Variants in WDTC1 observed in about 807,000 individuals in gnomAD.
The protein encoded by WDTC1 is WD and tetratricopeptide repeats 1, also known as WD and tetratricopeptide repeats protein 1.
Under a neutral mutation model 76.0 loss-of-function variants are expected in WDTC1, and 12 were observed. The observed-to-expected ratio is 0.16, with a 90% CI of 0.10 to 0.26. The LOEUF (loss-of-function observed/expected upper bound fraction) is 0.26, where lower values mean the gene tolerates loss of function less well. WDTC1 is among the 10% of genes least tolerant of loss of function. The pLI is 1.00. For synonymous variants in WDTC1, 326 were observed against 350.8 expected (o/e 0.93, Z 0.79); for missense variants, 511 against 908.8 (o/e 0.56, Z 5.63).
intron 1 of WDTC1, among the ~76,000 whole-genome samples, chr1:27,257,065 T>C (rs1409031026): frequency 1.3e-5 from 2 of 152,152 alleles, no homozygotes; most frequent in Non-Finnish European, 2.9e-5. Context: ...GGTTTCACCA[T>C]GTTAGCCAGG....
At position 27,287,655 on chromosome 1, in the gene WDTC1, C is replaced by T. The variant is rs1445995477; in HGVS notation, c.292-19C>T. 2.5e-6 allele frequency: 4 copies of T among 1,607,436 alleles called. No individual in the cohort carries two copies. The highest frequency in any genetic ancestry group is 3.4e-6 in the Non-Finnish European group (4 of 1,176,386). ...TTCTACTCTTACCACCCACCCCTTCCTCCATTTCTCCTATATAGTTCCTGC... is the reference window on the plus strand; with the variant it reads ...TTCTACTCTTACCACCCACCCCTTCTTCCATTTCTCCTATATAGTTCCTGC... On this transcript the variant is annotated intron_variant, in intron 5 of 15. Coordinates refer to ENST00000319394, the MANE Select transcript of WDTC1 (RefSeq NM_001276252.2).
At chr1:27,296,813 C>CAGCCCCAGCCCT (rs1304376317) in intron 10 of WDTC1, among the ~76,000 whole-genome samples, 98 of 150,910 alleles carry the variant, frequency 6.5e-4, no homozygotes, top group Admixed American at 1.2e-3. Context: ...GCCCTAGCCC[C>CAGCCCCAGCCCT]AGCCCCAGCC....
At chr1:27,246,679 A>G (rs2011844827) in intron 1 of WDTC1, among the ~76,000 whole-genome samples, 1 of 151,752 alleles carries the variant, frequency 6.6e-6, no homozygotes, top group Admixed American at 6.6e-5. Context: ...CTTCTGCCTC[A>G]GCCTCCTGAG....
At position 27,274,295 on chromosome 1, in the gene WDTC1, AAG is replaced by A. The variant is rs1280564682; in HGVS notation, c.133-7929_133-7928del. On this transcript the variant is annotated intron_variant, in intron 3 of 15. Coordinates refer to ENST00000319394, the MANE Select transcript of WDTC1 (RefSeq NM_001276252.2). This position sits in a 1 kb window ranked among gnomAD's most constrained non-coding sequence, Gnocchi z 4.2. ...ATGGAAGGAGACACTGTCTTTAAAA[AAG>A]AGAGAGAGAGAGAGGGAAAGAAAAA... Among the ~76,000 whole-genome samples, 20 of 150,448 alleles carry A rather than the reference AAG, an allele frequency of 1.3e-4. No individual in the cohort carries two copies. Among genetic ancestry groups the A allele is most frequent in the South Asian group, 2.1e-4 (1 of 4,798 alleles).
At chr1:27,253,776 A>G (rs1365663196) in intron 1 of WDTC1, among the ~76,000 whole-genome samples, 2 of 152,302 alleles carry the variant, frequency 1.3e-5, no homozygotes, top group East Asian at 1.9e-4. Context: ...TGTAATTTGC[A>G]TACTGCACCA....
rs1570990858 is a variant in WDTC1, at chr1:27,303,819, T to A, written c.1643+24T>A. 1 of 1,612,084 alleles carries A rather than the reference T, an allele frequency of 6.2e-7. No individual in the cohort carries two copies. The highest frequency in any genetic ancestry group is 8.5e-7 in the Non-Finnish European group (1 of 1,179,318). ...AGGTCCGAGGCCCTGAAGAGGAGGG[T>A]GCAGCCCAGTTGGCAGCGGGAGGTT... On this transcript the variant is annotated intron_variant, in intron 14 of 15. Coordinates refer to ENST00000319394, the MANE Select transcript of WDTC1 (RefSeq NM_001276252.2). The surrounding 1 kb of genome is among the most constrained non-coding windows in gnomAD (Gnocchi z 4.8).
intron 7 of WDTC1, among the ~76,000 whole-genome samples, 174 bp from the exon 8 acceptor site, chr1:27,293,848 A>G (rs1389688349): frequency 6.6e-6 from 1 of 152,192 alleles, no homozygotes; most frequent in Non-Finnish European, 1.5e-5. Context: ...AAGCACTGTA[A>G]TGTATATGTC....
chr1:27,289,563 C>T (rs1280375035), intron 6 of WDTC1, among the ~76,000 whole-genome samples: 6 of 152,154 alleles, frequency 3.9e-5, no homozygotes, highest in African/African-American at 1.4e-4. Flanking sequence ...CAGAGACGCT[C>T]CTCACTTCCC....
At chr1:27,291,509 C>G (rs958955803) in intron 6 of WDTC1, among the ~76,000 whole-genome samples, 31 of 152,080 alleles carry the variant, frequency 2.0e-4, no homozygotes, top group Admixed American at 5.2e-4. Flanking sequence ...TAGGTGATGT[C>G]CCCCCTACCC....
intron 9 of WDTC1, 117 bp downstream of exon 9, chr1:27,294,746 T>C (rs1006040712): frequency 8.5e-6 from 7 of 825,774 alleles, no homozygotes; most frequent in Non-Finnish European, 1.4e-5. Flanking sequence ...TGGTAAATGA[T>C]GTTACATTGA....
At chr1:27,269,140 T>A (rs1339993260) in intron 3 of WDTC1, among the ~76,000 whole-genome samples, 2 of 85,372 alleles carry the variant, frequency 2.3e-5, no homozygotes, top group Admixed American at 3.6e-4. Flanking sequence ...CCAGCCTGGG[T>A]AACATAAGGA....
intron 9 of WDTC1, 58 bp downstream of exon 9, chr1:27,294,687 G>T (rs1047821022): frequency 1.1e-5 from 16 of 1,476,822 alleles, no homozygotes; most frequent in Non-Finnish European, 1.5e-5. Context: ...GCAGCCAGGG[G>T]CATGTACCTT....
At position 27,305,593 on chromosome 1, in the gene WDTC1, C is replaced by T. The variant is rs1384870637; in HGVS notation, c.1836+400C>T. ...AAGAGATGCCTGTGAAGTGTCCAGCCCACAAGGACACTTAGGACAGTGGAG... is the reference window on the plus strand; with the variant it reads ...AAGAGATGCCTGTGAAGTGTCCAGCTCACAAGGACACTTAGGACAGTGGAG... On this transcript the variant is annotated intron_variant, in intron 15 of 15. Coordinates refer to ENST00000319394, the MANE Select transcript of WDTC1 (RefSeq NM_001276252.2). The surrounding 1 kb of genome is among the most constrained non-coding windows in gnomAD (Gnocchi z 4.6). Among the ~76,000 whole-genome samples the T allele has an allele frequency of 1.3e-5, 2 of 152,086 alleles. No homozygotes were observed. Among genetic ancestry groups the T allele is most frequent in the Admixed American group, 6.5e-5 (1 of 15,276 alleles).
At chr1:27,263,993 A>C (rs900859760) in intron 3 of WDTC1, among the ~76,000 whole-genome samples, 1 of 151,846 alleles carries the variant, frequency 6.6e-6, no homozygotes, top group African/African-American at 2.4e-5. Flanking sequence ...TAGACTGAGA[A>C]TAGGTGTTTA....
At chr1:27,287,073 G>A (rs1345390533) in intron 5 of WDTC1, among the ~76,000 whole-genome samples, 1 of 151,072 alleles carries the variant, frequency 6.6e-6, no homozygotes, top group Non-Finnish European at 1.5e-5. Flanking sequence ...TGACACAGGA[G>A]AATCGCTTGA....
chr1:27,283,460 C>T lies in WDTC1; in HGVS notation c.291+11C>T. The stretch of plus-strand genomic sequence containing the variant: ...ATCTTCTCTGTCAAGGTGAGCAGGA[C>T]AAGCCACAGAGCAAGCACAAGCCAC... On this transcript the variant is annotated intron_variant, in intron 5 of 15. Transcript: ENST00000319394. 1 of 1,561,842 alleles carries T rather than the reference C, an allele frequency of 6.4e-7. No individual in the cohort carries two copies.
chr1:27,242,392 C>T (rs1004177526), intron 1 of WDTC1, among the ~76,000 whole-genome samples: 2 of 152,160 alleles, frequency 1.3e-5, no homozygotes, highest in African/African-American at 2.4e-5. Flanking sequence ...TCCCTTAAGC[C>T]TAGGAGTTCA....
intron 1 of WDTC1, among the ~76,000 whole-genome samples, chr1:27,260,477 C>T (rs1317917511): frequency 6.6e-6 from 1 of 152,170 alleles, no homozygotes; most frequent in Admixed American, 6.6e-5. Context: ...ATTTCCTTTA[C>T]ACTGTTTAAT....
At position 27,289,609 on chromosome 1, in the gene WDTC1, G is replaced by C. The variant is rs565696848; in HGVS notation, c.479+1748G>C. On this transcript the variant is annotated intron_variant, in intron 6 of 15. Transcript: ENST00000319394. ...GCGGCCAGGCAGAGGCTGCAATCTCGGCACTTTGGGAGGCCAAGGCAGGCG... is the reference window on the plus strand; with the variant it reads ...GCGGCCAGGCAGAGGCTGCAATCTCCGCACTTTGGGAGGCCAAGGCAGGCG... Among the ~76,000 whole-genome samples the C allele has an allele frequency of 1.1e-4, 16 of 151,948 alleles. No individual in the cohort carries two copies. In the South Asian group the frequency reaches 2.3e-3, roughly 22 times the overall value.
Sources: allele counts gnomAD v4.1 joint callset (sites outside exome capture counted in the v4.1 genomes callset), GRCh38; gene constraint gnomAD v4.1.1; non-coding constraint Gnocchi (gnomAD v3.1); transcripts MANE v1.5; gene names NCBI Gene and HGNC (gene_info 2026-07-23, HGNC 2026-07-21).